Variants in PACRG observed in about 807,000 individuals in gnomAD.
PACRG encodes the protein parkin coregulated, also known as parkin coregulated gene protein.
PACRG carries 29 observed loss-of-function variants against 29.7 expected under a neutral mutation model. That is an observed-to-expected ratio of 0.98 (90% CI 0.73 to 1.33). PACRG has a LOEUF of 1.33. PACRG is among the 40% of genes most tolerant of loss of function. PACRG has a pLI of 0.00. For synonymous variants in PACRG, 116 were observed against 118.7 expected (o/e 0.98, Z 0.15); for missense variants, 279 against 316.2 (o/e 0.88, Z 0.89).
chr6:163,159,587 A>T (rs1778466681), intron 4 of PACRG, among the ~76,000 whole-genome samples: 1 of 152,060 alleles, frequency 6.6e-6, no homozygotes, highest in East Asian at 1.9e-4. Flanking sequence ...CAGCCACTGT[A>T]TTCAGTATTT....
At chr6:162,995,381 G>C (rs1803907947) in intron 2 of PACRG, among the ~76,000 whole-genome samples, 1 of 151,932 alleles carries the variant, frequency 6.6e-6, no homozygotes, top group Admixed American at 6.5e-5. Flanking sequence ...TGCTGTGCTA[G>C]CAATCAGCGA....
chr6:162,997,479 G>A (rs1804173709), intron 2 of PACRG: 1 of 448,864 alleles, frequency 2.2e-6, no homozygotes, highest in South Asian at 1.6e-5. Flanking sequence ...CTGACAGACG[G>A]CAGCGAATCA....
At chr6:162,965,605 A>C (rs1235454734) in intron 2 of PACRG, among the ~76,000 whole-genome samples, 1 of 152,226 alleles carries the variant, frequency 6.6e-6, no homozygotes, top group Non-Finnish European at 1.5e-5. Context: ...TAACACCATC[A>C]CATAGGGGTT....
At chr6:162,994,587 T>A (rs1477975727) in intron 2 of PACRG, among the ~76,000 whole-genome samples, 1 of 151,840 alleles carries the variant, frequency 6.6e-6, no homozygotes, top group African/African-American at 2.4e-5. Flanking sequence ...TGGTTTTAGC[T>A]CCATCAGCTC....
chr6:163,142,239 A>C (rs1777569302), intron 4 of PACRG, among the ~76,000 whole-genome samples: 1 of 152,206 alleles, frequency 6.6e-6, no homozygotes, highest in Admixed American at 6.5e-5. Context: ...ATGTCAAGGA[A>C]ATGGTAAAGA....
chr6:162,997,334 A>G, intron 2 of PACRG: 1 of 417,916 alleles, frequency 2.4e-6, no homozygotes, highest in South Asian at 1.7e-5. Context: ...AAGAAAGCCA[A>G]AGTATGGTTT....
At chr6:162,892,063 T>C (rs1488021400) in intron 2 of PACRG, 1 of 152,402 alleles carries the variant, frequency 6.6e-6, no homozygotes, top group African/African-American at 2.4e-5. Flanking sequence ...ACTGACTACG[T>C]TGGACCCCTG....
intron 4 of PACRG, among the ~76,000 whole-genome samples, chr6:163,288,716 C>T (rs1784481020): frequency 6.6e-6 from 1 of 151,992 alleles, no homozygotes; most frequent in South Asian, 2.1e-4. Flanking sequence ...ACCAAATACT[C>T]GTCTATACCA....
At position 162,853,668 on chromosome 6, in the gene PACRG, T is replaced by C. The variant is rs932865880; in HGVS notation, c.291+39387T>C. Among the ~76,000 whole-genome samples, 1 of 152,222 alleles carries C rather than the reference T, an allele frequency of 6.6e-6. No homozygotes were observed. The highest frequency in any genetic ancestry group is 1.5e-5 in the Non-Finnish European group (1 of 68,030). The stretch of plus-strand genomic sequence containing the variant: ...GAAACAACACACACTGAACTTAGCA[T>C]CTGGGGGATGTAACAGTATGTACAA... On this transcript the variant is annotated intron_variant, in intron 2 of 4. Transcript: ENST00000366888. The surrounding 1 kb of genome is among the most constrained non-coding windows in gnomAD (Gnocchi z 4.7).
At chr6:163,045,664 C>A (rs567021812) in intron 2 of PACRG, among the ~76,000 whole-genome samples, 5 of 148,508 alleles carry the variant, frequency 3.4e-5, no homozygotes, top group Admixed American at 1.3e-4. Context: ...GCTCTGTCCC[C>A]CAGGCTGGAG....
intron 2 of PACRG, among the ~76,000 whole-genome samples, chr6:162,846,168 G>A (rs1005483128): frequency 1.1e-4 from 16 of 152,138 alleles, no homozygotes; most frequent in African/African-American, 3.4e-4. Flanking sequence ...TAGAGCCACA[G>A]TGGCCTGTCA....
intron 4 of PACRG, among the ~76,000 whole-genome samples, chr6:163,154,733 A>G (rs2128339608): frequency 6.6e-6 from 1 of 152,338 alleles, no homozygotes; most frequent in East Asian, 1.9e-4. Context: ...TGCTTATACT[A>G]AAAATCTTTT....
At chr6:162,749,122 G>GA (rs1366468647) in intron 1 of PACRG, among the ~76,000 whole-genome samples, 2 of 152,228 alleles carry the variant, frequency 1.3e-5, no homozygotes, top group African/African-American at 4.8e-5. Flanking sequence ...TTTATTGCTG[G>GA]AAAGGATTCC....
intron 2 of PACRG, among the ~76,000 whole-genome samples, chr6:162,926,995 G>T (rs1797492468): frequency 6.6e-6 from 1 of 151,902 alleles, no homozygotes; most frequent in Non-Finnish European, 1.5e-5. Context: ...GTAGACAAAG[G>T]ACATGAACAG....
chr6:162,952,502 G>A (rs1282696359), intron 2 of PACRG, among the ~76,000 whole-genome samples: 4 of 152,138 alleles, frequency 2.6e-5, no homozygotes, highest in East Asian at 1.9e-4. Context: ...TGAGGTTCAC[G>A]TCCAGCCTCA....
At chr6:162,835,731 C>A (rs917089465) in intron 2 of PACRG, among the ~76,000 whole-genome samples, 1 of 151,950 alleles carries the variant, frequency 6.6e-6, no homozygotes, top group African/African-American at 2.4e-5. Context: ...AATTACCTGC[C>A]GTCATCTATA....
At chr6:163,263,505 ACTATTGAACACCCTC>A (rs1277530404) in intron 4 of PACRG, among the ~76,000 whole-genome samples, 1 of 152,250 alleles carries the variant, frequency 6.6e-6, no homozygotes, top group East Asian at 1.9e-4. Flanking sequence ...GAAATATGTG[ACTATTGAACACCCTC>A]CTCTTCTCAA....
chr6:163,238,223 A>C (rs879140844), intron 4 of PACRG, among the ~76,000 whole-genome samples: 1 of 152,248 alleles, frequency 6.6e-6, no homozygotes. Flanking sequence ...GTTTTGTATT[A>C]TATCTTAAAT....
intron 4 of PACRG, among the ~76,000 whole-genome samples, chr6:163,135,951 G>C (rs1162471018): frequency 6.6e-6 from 1 of 151,986 alleles, no homozygotes; most frequent in African/African-American, 2.4e-5. Flanking sequence ...TCAATGCTTT[G>C]TTCATTTTTT....
Sources: allele counts gnomAD v4.1 joint callset (sites outside exome capture counted in the v4.1 genomes callset), GRCh38; gene constraint gnomAD v4.1.1; non-coding constraint Gnocchi (gnomAD v3.1); transcripts MANE v1.5; gene names NCBI Gene and HGNC (gene_info 2026-07-23, HGNC 2026-07-21).